AK5: variants seen among roughly 807,000 people sequenced by gnomAD.
AK5 encodes the protein adenylate kinase isoenzyme 5.
AK5 carries 27 observed loss-of-function variants against 69.5 expected under a neutral mutation model. That is an observed-to-expected ratio of 0.39 (90% confidence interval 0.29 to 0.54). The LOEUF (loss-of-function observed/expected upper bound fraction) is 0.54, where lower values mean the gene tolerates loss of function less well. AK5 is among the 20% of genes least tolerant of loss of function. The pLI, the probability that AK5 is intolerant of heterozygous loss-of-function variation, is 0.71. For missense variants in AK5, 531 were observed against 700.4 expected, an observed-to-expected ratio of 0.76 and a Z score of 2.73; for synonymous variants, 260 against 244.4, an observed-to-expected ratio of 1.06 and a Z score of -0.60.
chr1:77,474,378 C>T (rs1471420012), intron 8 of AK5, among the ~76,000 whole-genome samples: 1 of 152,134 alleles, frequency 6.6e-6, no homozygotes, highest in African/African-American at 2.4e-5. Flanking sequence ...CTATGTCCCA[C>T]TGCCACTAAC....
chr1:77,372,526 A>G (rs1456598440), intron 6 of AK5, among the ~76,000 whole-genome samples: 1 of 152,238 alleles, frequency 6.6e-6, no homozygotes, highest in Admixed American at 6.5e-5. Context: ...TATGACTCTT[A>G]GTCATTCTTA....
intron 5 of AK5, among the ~76,000 whole-genome samples, chr1:77,305,092 G>A (rs1659563561): frequency 6.6e-6 from 1 of 152,112 alleles, no homozygotes; most frequent in Non-Finnish European, 1.5e-5. Flanking sequence ...AATCAGTGAT[G>A]TTGAACACTT....
chr1:77,490,063 C>T (rs915967668), intron 10 of AK5, among the ~76,000 whole-genome samples: 1 of 151,110 alleles, frequency 6.6e-6, no homozygotes, highest in Non-Finnish European at 1.5e-5. Context: ...TACTTAATGA[C>T]TAGAACAACA....
intron 6 of AK5, among the ~76,000 whole-genome samples, chr1:77,343,369 T>G (rs1661756180): frequency 2.0e-5 from 3 of 152,194 alleles, no homozygotes; most frequent in African/African-American, 7.2e-5. Context: ...TCACTTGGAA[T>G]CTCAGTTCCG....
chr1:77,299,320 T>A (rs557988297), intron 5 of AK5, among the ~76,000 whole-genome samples: 2 of 151,634 alleles, frequency 1.3e-5, no homozygotes, highest in South Asian at 2.1e-4. Context: ...ACAGACTTTT[T>A]AATCTTTTTC....
chr1:77,394,518 G>C (rs778626007), intron 6 of AK5, among the ~76,000 whole-genome samples: 5 of 151,950 alleles, frequency 3.3e-5, no homozygotes, highest in Admixed American at 2.0e-4. Flanking sequence ...CCCTTATTTT[G>C]CATTAATGTT....
chr1:77,287,248 A>T, intron 2 of AK5, 121 bp downstream of exon 2: 1 of 628,558 alleles, frequency 1.6e-6, no homozygotes. Context: ...AAGTCATTGG[A>T]TCACGATTAA....
intron 8 of AK5, among the ~76,000 whole-genome samples, chr1:77,420,673 A>T (rs1650748986): frequency 6.6e-6 from 1 of 152,214 alleles, no homozygotes; most frequent in African/African-American, 2.4e-5. Context: ...CAGAAATCAA[A>T]CTTTGATTTG....
rs1425180466 is a variant in AK5, at chr1:77,391,495, G to GTGTATATATATATATATATATA, written c.892-19485_892-19484insGTATATATATATATATATATAT. ...TATGTGTGTGTGTATGTGTGTGTGT[G>GTGTATATATATATATATATATA]TATATATATATATATATATATATAT... On this transcript the variant is annotated intron_variant, in intron 6 of 13. Transcript: ENST00000354567. 2.4e-3 allele frequency among the ~76,000 whole-genome samples: 154 copies of GTGTATATATATATATATATATA among 63,116 alleles called. 2 individuals are homozygous for GTGTATATATATATATATATATA. Among genetic ancestry groups the GTGTATATATATATATATATATA allele is most frequent in the Non-Finnish European group, 2.9e-3 (90 of 30,896 alleles). The allele number at this position is 63,116 out of a possible 152,430, so 41.4% of individuals were successfully genotyped here. A position where few individuals can be genotyped will look rare whatever the true frequency, so the allele number is the denominator to read the frequency against.
chr1:77,442,089 T>C (rs1652366454), intron 8 of AK5, among the ~76,000 whole-genome samples: 1 of 152,126 alleles, frequency 6.6e-6, no homozygotes, highest in South Asian at 2.1e-4. Flanking sequence ...CCTGAACCAG[T>C]AGGGCTTGGT....
intron 5 of AK5, among the ~76,000 whole-genome samples, chr1:77,335,685 C>T (rs752440164): frequency 2.2e-4 from 34 of 152,326 alleles, no homozygotes; most frequent in South Asian, 4.1e-4. Flanking sequence ...TACAAGGAAT[C>T]CCATGAGCAT....
intron 6 of AK5, among the ~76,000 whole-genome samples, chr1:77,349,239 A>G (rs1662070155): frequency 6.6e-6 from 1 of 152,174 alleles, no homozygotes; most frequent in South Asian, 2.1e-4. Flanking sequence ...ATTGAGTACA[A>G]TTACCTATAT....
chr1:77,367,769 T>TGTTATATATACGTTATATGTTATATAC (rs1647007552), intron 6 of AK5, among the ~76,000 whole-genome samples: 3 of 28,920 alleles, frequency 1.0e-4, no homozygotes, highest in Non-Finnish European at 1.2e-4. Context: ...ATATAATATA[T>TGTTATATATACGTTATATGTTATATAC]GTTATATATA....
intron 6 of AK5, among the ~76,000 whole-genome samples, chr1:77,407,980 G>A (rs1032698316): frequency 3.9e-5 from 6 of 152,262 alleles, no homozygotes; most frequent in African/African-American, 1.2e-4. Flanking sequence ...TTTTATGGCT[G>A]TGTCTTATTC....
chr1:77,411,069 C>T lies in AK5; in HGVS notation c.980C>T (p.Ala327Val). ...TTATTTCCAAACAAAGAGGCTGCAG[C>T]AGGTAAGTCACTGTGTCCTTTAGAC... ...NKLFPNKEAA[A>V]GSSDLDPSMI... Residue 327 changes from alanine to valine, a missense_variant and splice_region_variant, in exon 7 of 14, where the codon GCA (alanine) becomes GTA (valine). Coordinates refer to ENST00000354567, the MANE Select transcript of AK5 (RefSeq NM_174858.3). 4 of 1,612,724 alleles carry T rather than the reference C, an allele frequency of 2.5e-6. No individual in the cohort carries two copies. Among genetic ancestry groups the T allele is most frequent in the African/African-American group, 2.7e-5 (2 of 75,022 alleles).
rs1027970066 is a variant in AK5 at position 77,385,391 on chromosome 1, T to C, written c.892-25590T>C. Among the ~76,000 whole-genome samples, 13 of 152,074 alleles carry C rather than the reference T, an allele frequency of 8.5e-5. No individual in the cohort carries two copies. The East Asian group carries it at 2.5e-3, about 29-fold the overall frequency. ...GGCCAGGATGGTCTCGATCTCCTGA[T>C]CTCATGATCCACCCACCTTGGCCTC... On this transcript the variant is annotated intron_variant, in intron 6 of 13. Transcript: ENST00000354567.
chr1:77,313,919 G>A (rs1246145572), intron 5 of AK5: 1 of 520,158 alleles, frequency 1.9e-6, no homozygotes, highest in Non-Finnish European at 3.9e-6. Context: ...GAAAGCAGAA[G>A]TCTTTGCCTC....
At chr1:77,375,159 C>T (rs1158395694) in intron 6 of AK5, among the ~76,000 whole-genome samples, 1 of 152,168 alleles carries the variant, frequency 6.6e-6, no homozygotes, top group Non-Finnish European at 1.5e-5. Flanking sequence ...AGTCACTGAG[C>T]TGAAGAGCAA....
intron 6 of AK5, among the ~76,000 whole-genome samples, chr1:77,367,085 G>T (rs1387191318): frequency 6.6e-6 from 1 of 151,910 alleles, no homozygotes; most frequent in African/African-American, 2.4e-5. Flanking sequence ...ATTAAAGGAG[G>T]CTCTTTATTT....
Sources: gnomAD v4.1 joint callset for allele counts (sites outside exome capture counted in the v4.1 genomes callset) on GRCh38, gnomAD v4.1.1 for gene constraint, MANE v1.5 for transcripts, NCBI Gene and HGNC (gene_info 2026-07-23, HGNC 2026-07-21) for gene names.